RAD52: variants seen among roughly 807,000 people sequenced by gnomAD.
RAD52 encodes DNA repair protein RAD52 homolog.
A neutral mutation model predicts 55.5 loss-of-function variants in RAD52; 47 were observed. That is an observed-to-expected ratio of 0.85 (90% CI 0.67 to 1.08). The LOEUF (loss-of-function observed/expected upper bound fraction) is 1.08. Ranked by LOEUF, RAD52 falls within the 50% of genes least tolerant of loss-of-function variation. The pLI, the probability that RAD52 is intolerant of heterozygous loss-of-function variation, is 0.00. For missense variants in RAD52, 468 were observed against 522.8 expected (o/e 0.90, Z 1.02); for synonymous variants, 184 against 198.9 (o/e 0.92, Z 0.63).
Position 947,138 on chromosome 12 carries a change from C to A in RAD52, c.-19+2464G>T, listed in dbSNP as rs186521901. Among the ~76,000 whole-genome samples, 114 of 151,884 alleles carry A rather than the reference C, an allele frequency of 7.5e-4. 1 individual carries two copies. Among genetic ancestry groups the A allele is most frequent in the Middle Eastern group, 6.8e-3 (2 of 292 alleles). On this transcript the variant is annotated intron_variant, in intron 1 of 11. Coordinates refer to ENST00000358495, the MANE Select transcript of RAD52 (RefSeq NM_134424.4). ...GGTAGGGAGTTCGAGACCAGCGTAACCAACATGGAGAAACCCCTTCTCTAC... is the reference window on the plus strand; with the variant it reads ...GGTAGGGAGTTCGAGACCAGCGTAAACAACATGGAGAAACCCCTTCTCTAC...
chr12:980,608 T>C (rs1309284986), intron 1 of RAD52, among the ~76,000 whole-genome samples: 1 of 151,564 alleles, frequency 6.6e-6, no homozygotes, highest in African/African-American at 2.4e-5. Flanking sequence ...TCTTTCTTTT[T>C]TTTTTTTTTC....
rs1423692774 is a variant in RAD52 at position 912,395 on chromosome 12, A to C, written c.*996T>G. The stretch of plus-strand genomic sequence containing the variant: ...GCACAAAATTATGTGTATGAGGCAT[A>C]TACACGAAACACAGGTGAATTCCAC... On this transcript the variant is annotated 3_prime_UTR_variant, in exon 12 of 12. Coordinates refer to ENST00000358495, the MANE Select transcript of RAD52 (RefSeq NM_134424.4). 1.5e-5 allele frequency: 3 copies of C among 202,164 alleles called. No individual in the cohort carries two copies. In the Admixed American group the frequency reaches 1.8e-4, roughly 12 times the overall value. 12.5% of individuals were successfully genotyped at this position (202,164 alleles called of 1,614,324 possible). A position where few individuals can be genotyped will look rare whatever the true frequency, so the allele number is the denominator to read the frequency against.
chr12:928,362 A>G (rs1468292658), intron 5 of RAD52, among the ~76,000 whole-genome samples: 1 of 151,996 alleles, frequency 6.6e-6, no homozygotes, highest in Non-Finnish European at 1.5e-5. Context: ...AAACACACAC[A>G]AAAAATTAGG....
chr12:941,450 C>A (rs1330856677), intron 1 of RAD52, among the ~76,000 whole-genome samples: 3 of 151,082 alleles, frequency 2.0e-5, no homozygotes, highest in Non-Finnish European at 4.4e-5. Flanking sequence ...TCCAGAGTAG[C>A]TGGGATTACA....
chr12:981,671 C>T (rs1207659856), intron 1 of RAD52, among the ~76,000 whole-genome samples: 4 of 151,638 alleles, frequency 2.6e-5, no homozygotes, highest in Admixed American at 6.6e-5. Flanking sequence ...GCAGGATAAT[C>T]GCTCGAGCCC....
intron 1 of RAD52, among the ~76,000 whole-genome samples, chr12:946,588 T>C (rs1037972542): frequency 3.3e-5 from 5 of 152,240 alleles, no homozygotes; most frequent in African/African-American, 9.6e-5. Flanking sequence ...CTCTATAAGA[T>C]ATATCACAGC....
intron 5 of RAD52, among the ~76,000 whole-genome samples, chr12:928,204 T>G (rs1222856514): frequency 1.3e-5 from 2 of 152,200 alleles, no homozygotes; most frequent in African/African-American, 4.8e-5. Flanking sequence ...GAATTAATGC[T>G]GAATTGTTCA....
At position 912,722 on chromosome 12, in the gene RAD52, C is replaced by CAAAAAAAA. The variant is rs60090525; in HGVS notation, c.*661_*668dup. On this transcript the variant is annotated 3_prime_UTR_variant, in exon 12 of 12. Transcript: ENST00000358495. ...AGGGCAACACAGCCAGACCCCGTCTCAAAAAAAAAAAAAAAAAAAAAAACA... is the reference window on the plus strand; with the variant it reads ...AGGGCAACACAGCCAGACCCCGTCTCAAAAAAAAAAAAAAAAAAAAAAAAAAAAAAACA... 0.012 allele frequency: 862 copies of CAAAAAAAA among 73,064 alleles called. 12 individuals carry two copies. The highest frequency in any genetic ancestry group is 0.024 in the East Asian group (61 of 2,582). 4.5% of individuals were successfully genotyped at this position (73,064 alleles called of 1,614,324 possible). A position where few individuals can be genotyped will look rare whatever the true frequency, so the allele number is the denominator to read the frequency against.
At chr12:972,199 A>C (rs1958868757) in intron 1 of RAD52, among the ~76,000 whole-genome samples, 1 of 152,182 alleles carries the variant, frequency 6.6e-6, no homozygotes, top group South Asian at 2.1e-4. Flanking sequence ...TGAAACAGGT[A>C]ATACAAGAAA....
rs35867275 is a variant in RAD52, at chr12:935,857, A to AAAAT, written c.-18-2785_-18-2782dup. On this transcript the variant is annotated intron_variant, in intron 1 of 11. Transcript: ENST00000358495. ...AACAAGAGTGAAACTCCGTCTCAAA[A>AAAAT]AAATAAATAAATAAATAAATAAATA... 6.4e-3 allele frequency among the ~76,000 whole-genome samples: 868 copies of AAAAT among 134,790 alleles called. 5 individuals are homozygous for AAAAT. The highest frequency in any genetic ancestry group is 0.039 in the Middle Eastern group (11 of 280). 88.4% of individuals were successfully genotyped at this position (134,790 alleles called of 152,430 possible). A position where few individuals can be genotyped will look rare whatever the true frequency, so the allele number is the denominator to read the frequency against.
intron 1 of RAD52, among the ~76,000 whole-genome samples, chr12:936,423 G>C (rs181462554): frequency 6.9e-6 from 1 of 145,350 alleles, no homozygotes; most frequent in Admixed American, 7.0e-5. Context: ...CTTTGAAAAA[G>C]ATGTCTTACT....
intron 1 of RAD52, among the ~76,000 whole-genome samples, chr12:982,716 A>G (rs933976736): frequency 8.0e-6 from 1 of 124,676 alleles, no homozygotes; most frequent in Non-Finnish European, 1.6e-5. Context: ...CATAGGCTGG[A>G]GCGCAGTGGT....
upstream of RAD52, among the ~76,000 whole-genome samples, chr12:949,932 C>T (rs554733162): frequency 1.6e-4 from 24 of 152,328 alleles, no homozygotes; most frequent in African/African-American, 5.1e-4. Flanking sequence ...TTCCCGCCAG[C>T]TTCCCTCGGT....
intron 1 of RAD52, among the ~76,000 whole-genome samples, chr12:981,389 T>C (rs1959013236): frequency 6.6e-6 from 1 of 151,898 alleles, no homozygotes; most frequent in African/African-American, 2.4e-5. Context: ...AAAATAAATA[T>C]TATCCAAATC....
chr12:989,230 G>A (rs900025646), intron 1 of RAD52, among the ~76,000 whole-genome samples: 4 of 151,996 alleles, frequency 2.6e-5, no homozygotes, highest in Non-Finnish European at 4.4e-5. Flanking sequence ...CCAAATCTCC[G>A]TCTCCCTAAA....
In RAD52 at chr12:916,128, A is replaced by G. The variant is rs1381348411; in HGVS notation, c.865+216T>C. On this transcript the variant is annotated intron_variant, in intron 9 of 11. Transcript: ENST00000358495. ...CAAGGCCCACTTAGTTCCACGGGGG[A>G]AAAAAGAAATCATTGTCTTTAGAAA... 46 of 1,264,392 alleles carry G rather than the reference A, an allele frequency of 3.6e-5. 1 individual carries two copies. The East Asian group carries it at 7.7e-4, about 21-fold the overall frequency. The allele number at this position is 1,264,392 out of a possible 1,614,324, so 78.3% of individuals were successfully genotyped here.
At chr12:925,716 C>T (rs1956996016) in intron 6 of RAD52, among the ~76,000 whole-genome samples, 191 bp from the exon 7 acceptor site, 1 of 152,098 alleles carries the variant, frequency 6.6e-6, no homozygotes, top group South Asian at 2.1e-4. Context: ...TCTGAGAATA[C>T]TGCAGTGAGG....
intron 1 of RAD52, among the ~76,000 whole-genome samples, chr12:980,616 T>G (rs987938687): frequency 2.6e-5 from 4 of 151,414 alleles, no homozygotes; most frequent in Non-Finnish European, 5.9e-5. Context: ...TTTTTTTTTT[T>G]TCTGAGACAG....
intron 1 of RAD52, among the ~76,000 whole-genome samples, chr12:947,636 CA>C (rs1365133104): frequency 6.6e-6 from 1 of 150,666 alleles, no homozygotes; most frequent in Non-Finnish European, 1.5e-5. Context: ...CCTGTAATCC[CA>C]GCACTTTGGG....
Sources: gnomAD v4.1 joint callset for allele counts (sites outside exome capture counted in the v4.1 genomes callset) on GRCh38, gnomAD v4.1.1 for gene constraint, MANE v1.5 for transcripts, NCBI Gene and HGNC (gene_info 2026-07-23, HGNC 2026-07-21) for gene names.